GALNT13: variants seen among roughly 807,000 people sequenced by gnomAD.
GALNT13 encodes the protein polypeptide N-acetylgalactosaminyltransferase 13.
In GALNT13, 28 loss-of-function variants were observed where a neutral mutation model predicts 64.2. That is an observed-to-expected ratio of 0.44 (90% CI 0.32 to 0.60). The LOEUF (loss-of-function observed/expected upper bound fraction) is 0.60, where lower values mean the gene tolerates loss of function less well. Among genes scored for constraint, GALNT13 ranks in the 20% least tolerant of loss-of-function variants. The pLI, the probability that GALNT13 is intolerant of heterozygous loss-of-function variation, is 0.05. For synonymous variants in GALNT13, 214 were observed against 224.6 expected, an observed-to-expected ratio of 0.95 and a Z score of 0.42; for missense variants, 577 against 669.8, an observed-to-expected ratio of 0.86 and a Z score of 1.53.
At chr2:153,973,292 T>C (rs1275851763) in intron 3 of GALNT13, among the ~76,000 whole-genome samples, 4 of 151,986 alleles carry the variant, frequency 2.6e-5, no homozygotes, top group Non-Finnish European at 4.4e-5. Context: ...GCTTTTGATC[T>C]CATTAATTTT....
intron 8 of GALNT13, among the ~76,000 whole-genome samples, chr2:154,277,961 T>C (rs1372459095): frequency 2.0e-5 from 3 of 152,196 alleles, no homozygotes; most frequent in Admixed American, 1.3e-4. Context: ...TATTTCTGCA[T>C]GCCCTACTCT....
At chr2:153,666,832 A>G in the GALNT13 span, among the ~76,000 whole-genome samples, 134 of 152,276 alleles carry the variant, frequency 8.8e-4, no homozygotes, top group Non-Finnish European at 1.7e-3. Context: ...GGCTAAAATG[A>G]TGGACTTGGA....
At chr2:153,580,894 C>T in the GALNT13 span, among the ~76,000 whole-genome samples, 4 of 152,148 alleles carry the variant, frequency 2.6e-5, no homozygotes, top group Non-Finnish European at 5.9e-5. Context: ...TTTCAATTAT[C>T]TTTTCCCCTG....
At chr2:153,683,920 C>T in the GALNT13 span, among the ~76,000 whole-genome samples, 83 of 151,558 alleles carry the variant, frequency 5.5e-4, no homozygotes, top group Non-Finnish European at 8.3e-4. Flanking sequence ...AATGGATAAA[C>T]GTGTGTGACA....
At chr2:153,340,584 G>C in the GALNT13 span, among the ~76,000 whole-genome samples, 3 of 151,496 alleles carry the variant, frequency 2.0e-5, no homozygotes, top group Non-Finnish European at 4.4e-5. Flanking sequence ...GAACCCAGGA[G>C]GCAGAGATTG....
At chr2:154,413,704 A>G (rs1226968057) in intron 11 of GALNT13, among the ~76,000 whole-genome samples, 1 of 151,922 alleles carries the variant, frequency 6.6e-6, no homozygotes, top group Admixed American at 6.6e-5. Flanking sequence ...TGTTGGCTAC[A>G]CTCTGCTCCA....
chr2:154,001,084 A>T (rs1349029570), intron 3 of GALNT13, among the ~76,000 whole-genome samples: 2 of 151,896 alleles, frequency 1.3e-5, no homozygotes, highest in Non-Finnish European at 1.5e-5. Context: ...CTTAAATTTT[A>T]TCTGAAACAC....
intron 9 of GALNT13, among the ~76,000 whole-genome samples, chr2:154,311,337 AAG>A (rs1416861539): frequency 5.3e-5 from 8 of 152,244 alleles, no homozygotes; most frequent in African/African-American, 7.2e-5. Flanking sequence ...CAGAGTACAA[AAG>A]AGAGAAATTT....
intron 9 of GALNT13, among the ~76,000 whole-genome samples, chr2:154,319,066 C>T (rs1481431815): frequency 6.6e-6 from 1 of 151,984 alleles, no homozygotes; most frequent in East Asian, 1.9e-4. Context: ...TACTTAAGTG[C>T]AAGTGAGGTA....
chr2:153,493,285 C>CAG, the GALNT13 span, among the ~76,000 whole-genome samples: 9 of 151,312 alleles, frequency 5.9e-5, no homozygotes, highest in African/African-American at 1.9e-4. Flanking sequence ...CACTGTTTCA[C>CAG]AGAGAGAGAG....
chr2:153,732,878 G>T, the GALNT13 span, among the ~76,000 whole-genome samples: 7 of 152,062 alleles, frequency 4.6e-5, no homozygotes, highest in African/African-American at 1.7e-4. Flanking sequence ...ATATTTGTTA[G>T]TAGGAACTTA....
the GALNT13 span, among the ~76,000 whole-genome samples, chr2:153,431,140 A>G: frequency 1.4e-5 from 2 of 146,724 alleles, no homozygotes; most frequent in Non-Finnish European, 1.5e-5. Context: ...ACAGAGAGAG[A>G]CTCTGTCAAA....
intron 3 of GALNT13, among the ~76,000 whole-genome samples, chr2:154,034,402 T>G (rs1698531299): frequency 6.6e-6 from 1 of 152,160 alleles, no homozygotes. Context: ...TTAGAGTCAG[T>G]AGGTGCAGTT....
chr2:153,460,769 G>A, the GALNT13 span, among the ~76,000 whole-genome samples: 1 of 152,238 alleles, frequency 6.6e-6, no homozygotes, highest in East Asian at 1.9e-4. Context: ...ATTAATCAGA[G>A]TGGACATGGA....
the GALNT13 span, among the ~76,000 whole-genome samples, chr2:153,339,796 G>T: frequency 1.3e-5 from 2 of 152,192 alleles, no homozygotes; most frequent in Middle Eastern, 3.4e-3. Flanking sequence ...TAAAATAAGG[G>T]TCTAATTTTA....
chr2:153,696,100 C>G, the GALNT13 span, among the ~76,000 whole-genome samples: 1 of 152,064 alleles, frequency 6.6e-6, no homozygotes, highest in African/African-American at 2.4e-5. Context: ...AGCTGAGGAG[C>G]AAGGAAGTCA....
intron 8 of GALNT13, among the ~76,000 whole-genome samples, chr2:154,285,188 G>A (rs1262123041): frequency 1.3e-5 from 2 of 152,032 alleles, no homozygotes; most frequent in African/African-American, 4.8e-5. Flanking sequence ...TCACTCTGTT[G>A]TTTCCTTTGT....
At chr2:153,912,755 C>T (rs1009731067) in intron 2 of GALNT13, among the ~76,000 whole-genome samples, 1 of 152,118 alleles carries the variant, frequency 6.6e-6, no homozygotes, top group African/African-American at 2.4e-5. Flanking sequence ...TGTTTTCTGG[C>T]CCCTCATGGT....
chr2:154,007,524 G>A (rs1283269162), intron 3 of GALNT13, among the ~76,000 whole-genome samples: 1 of 151,910 alleles, frequency 6.6e-6, no homozygotes, highest in Non-Finnish European at 1.5e-5. Context: ...ATTCTGAATT[G>A]AGTTTGTTAG....
Sources: gnomAD v4.1 joint callset for allele counts (sites outside exome capture counted in the v4.1 genomes callset) on GRCh38, gnomAD v4.1.1 for gene constraint, MANE v1.5 for transcripts, NCBI Gene and HGNC (gene_info 2026-07-23, HGNC 2026-07-21) for gene names.